The following NTPCR variants were observed in gnomAD, a reference collection of about 807,000 sequenced individuals.
NTPCR encodes nucleoside-triphosphatase, cancer-related.
A neutral mutation model predicts 19.5 loss-of-function variants in NTPCR; 15 were observed. That is an observed-to-expected ratio of 0.77 (90% CI 0.51 to 1.18). The LOEUF (loss-of-function observed/expected upper bound fraction) is 1.18. NTPCR is among the 50% of genes most tolerant of loss of function. The pLI, the probability that NTPCR is intolerant of heterozygous loss-of-function variation, is 0.00. For missense variants in NTPCR, 206 were observed against 240.4 expected, an observed-to-expected ratio of 0.86 and a Z score of 0.95; for synonymous variants, 90 against 95.8, an observed-to-expected ratio of 0.94 and a Z score of 0.36.
In NTPCR at chr1:232,969,727, C is replaced by G. The variant is rs923004866; in HGVS notation, c.295-182C>G. ...ATGATTCCCAGCTCCTGGGACTCAC[C>G]CTTGTGCAGTCCCCTCCCACACAGT... is the stretch of plus-strand genomic sequence containing the variant. On this transcript the variant is annotated intron_variant, in intron 3 of 4. Transcript: ENST00000366628. 1.1e-5 allele frequency: 6 copies of G among 552,398 alleles called. No individual in the cohort carries two copies. The East Asian group carries it at 1.6e-4, about 14-fold the overall frequency. The allele number at this position is 552,398 out of a possible 1,614,324, so 34.2% of individuals were successfully genotyped here.
rs192371792 is a variant in NTPCR at position 232,969,803 on chromosome 1, G to C, written c.295-106G>C. 79 of 918,990 alleles carry C rather than the reference G, an allele frequency of 8.6e-5. No individual in the cohort carries two copies. The Admixed American group carries it at 1.4e-3, about 17-fold the overall frequency. The allele number at this position is 918,990 out of a possible 1,614,324, so 56.9% of individuals were successfully genotyped here. ...TCACTTTTTGAAATCCAGTAAAAAG[G>C]TTTCTGTCTTTTTTACCTCATTGGT... On this transcript the variant is annotated intron_variant, in intron 3 of 4. Coordinates refer to ENST00000366628, the MANE Select transcript of NTPCR (RefSeq NM_032324.3).
At chr1:232,953,140 A>C (rs1402525400) in intron 1 of NTPCR, among the ~76,000 whole-genome samples, 1 of 152,152 alleles carries the variant, frequency 6.6e-6, no homozygotes, top group South Asian at 2.1e-4. Flanking sequence ...AGTGCACCTC[A>C]TGCTGGTGTC....
At chr1:232,964,934 A>G (rs1668771967) in intron 3 of NTPCR, 1 of 152,198 alleles carries the variant, frequency 6.6e-6, no homozygotes, top group African/African-American at 2.4e-5. Context: ...GAAGGTGGAC[A>G]TATCAGGATA....
chr1:232,975,537 C>G lies in NTPCR; in HGVS notation c.505-2626C>G, dbSNP rs985272186. On this transcript the variant is annotated intron_variant, in intron 4 of 4. Transcript: ENST00000366628. Reference sequence around the variant, plus strand: ...CAAGAAAGCAAAACAAAACCACATGCATTTCCTTGAAACTGTGGGAAGGGC... The same window carrying G: ...CAAGAAAGCAAAACAAAACCACATGGATTTCCTTGAAACTGTGGGAAGGGC... 4.6e-5 allele frequency among the ~76,000 whole-genome samples: 7 copies of G among 152,284 alleles called. No individual in the cohort carries two copies. In the South Asian group the frequency reaches 1.5e-3, roughly 32 times the overall value.
chr1:232,974,679 T>C (rs1308704951), intron 4 of NTPCR, among the ~76,000 whole-genome samples: 1 of 152,208 alleles, frequency 6.6e-6, no homozygotes, highest in Non-Finnish European at 1.5e-5. Flanking sequence ...TTGGTAAATA[T>C]TGAGCACGCA....
intron 1 of NTPCR, among the ~76,000 whole-genome samples, chr1:232,952,542 T>A (rs1451058379): frequency 6.6e-6 from 1 of 151,652 alleles, no homozygotes; most frequent in Non-Finnish European, 1.5e-5. Flanking sequence ...ACAGGGCCTC[T>A]CTCTGTTGCC....
chr1:232,952,018 G>A (rs1202656663), intron 1 of NTPCR, among the ~76,000 whole-genome samples: 2 of 152,114 alleles, frequency 1.3e-5, no homozygotes, highest in Non-Finnish European at 2.9e-5. Context: ...TTACCTACAC[G>A]TAGTTGAAAG....
rs976574003 is a variant in NTPCR, at chr1:232,981,568, A to G, written c.*3337A>G. On this transcript the variant is annotated 3_prime_UTR_variant, in exon 5 of 5. Transcript: ENST00000366628. ...GAAGTTGAAGCATCGCATGATTTTA[A>G]CAAATTACTTGCCAGATGATTTCAA... 5.1e-4 allele frequency: 78 copies of G among 152,354 alleles called. No individual in the cohort carries two copies. The highest frequency in any genetic ancestry group is 1.8e-3 in the African/African-American group (75 of 41,580). 9.4% of individuals were successfully genotyped at this position (152,354 alleles called of 1,614,324 possible). A position where few individuals can be genotyped will look rare whatever the true frequency, so the allele number is the denominator to read the frequency against.
intron 4 of NTPCR, among the ~76,000 whole-genome samples, chr1:232,974,820 CA>C (rs1181330159): frequency 6.6e-6 from 1 of 152,206 alleles, no homozygotes; most frequent in African/African-American, 2.4e-5. Flanking sequence ...GGCATTAATC[CA>C]TTCATGAGGG....
intron 3 of NTPCR, chr1:232,968,677 T>C (rs1668890290): frequency 6.6e-6 from 1 of 152,272 alleles, no homozygotes; most frequent in South Asian, 2.1e-4. Flanking sequence ...GCTTTGGCTT[T>C]TGGAATTTGA....
rs1367702939 is a variant in NTPCR at position 232,950,703 on chromosome 1, C to T, written c.-8C>T. 1.2e-6 allele frequency: 2 copies of T among 1,606,478 alleles called. No individual in the cohort carries two copies. Among genetic ancestry groups the T allele is most frequent in the Non-Finnish European group, 1.7e-6 (2 of 1,175,038 alleles). On this transcript the variant is annotated 5_prime_UTR_variant, in exon 1 of 5. Transcript: ENST00000366628. ...CCCTGACCGCAACCCCTACCCCCGCCCACCAGTATGGCCCGGCACGTGTTC... is the reference window on the plus strand; with the variant it reads ...CCCTGACCGCAACCCCTACCCCCGCTCACCAGTATGGCCCGGCACGTGTTC...
At position 232,961,213 on chromosome 1, in the gene NTPCR, A is replaced by C. The variant is rs144866191; in HGVS notation, c.294+4770A>C. Among the ~76,000 whole-genome samples, 788 of 152,328 alleles carry C rather than the reference A, an allele frequency of 5.2e-3. 5 individuals carry two copies. Among genetic ancestry groups the C allele is most frequent in the African/African-American group, 0.018 (761 of 41,570 alleles). ...ATTCAGGTTCCGTATCACCATTGTA[A>C]GTAACCTTGCAACAAAGCACCCTTT... On this transcript the variant is annotated intron_variant, in intron 3 of 4. Coordinates refer to ENST00000366628, the MANE Select transcript of NTPCR (RefSeq NM_032324.3).
At chr1:232,957,646 T>G (rs570451917) in intron 3 of NTPCR, among the ~76,000 whole-genome samples, 2 of 152,376 alleles carry the variant, frequency 1.3e-5, no homozygotes, top group Admixed American at 1.3e-4. Context: ...ATTGATTATG[T>G]AGTTTTATGT....
rs550028737 is a variant in NTPCR at position 232,975,014 on chromosome 1, CA to C, written c.505-3148del. Among the ~76,000 whole-genome samples, 641 of 152,290 alleles carry C rather than the reference CA, an allele frequency of 4.2e-3. 1 individual carries two copies. Among genetic ancestry groups the C allele is most frequent in the African/African-American group, 0.015 (623 of 41,574 alleles). ...CATTGTATCCCATTGAGTTTTATCC[CA>C]TTGTATCCCAATGAGTGTGTCATTG... On this transcript the variant is annotated intron_variant, in intron 4 of 4. Coordinates refer to ENST00000366628, the MANE Select transcript of NTPCR (RefSeq NM_032324.3).
At chr1:232,952,703 CTT>C in intron 1 of NTPCR, among the ~76,000 whole-genome samples, 1 of 151,334 alleles carries the variant, frequency 6.6e-6, no homozygotes, top group Non-Finnish European at 1.5e-5. Context: ...TTACACATAA[CTT>C]TTTTCCCCAT....
rs1007799029 is a variant in NTPCR at position 232,950,875 on chromosome 1, G to C, written c.34+131G>C. On this transcript the variant is annotated intron_variant, in intron 1 of 4. Coordinates refer to ENST00000366628, the MANE Select transcript of NTPCR (RefSeq NM_032324.3). Reference sequence around the variant, plus strand: ...GCCTCTGAAGTTCCCAATTTAAATGGCGGGCTTGGTAGTCTGAAGAGTTTG... The same window carrying C: ...GCCTCTGAAGTTCCCAATTTAAATGCCGGGCTTGGTAGTCTGAAGAGTTTG... 1.1e-4 allele frequency: 69 copies of C among 616,184 alleles called. 1 individual carries two copies. In the South Asian group the frequency reaches 1.3e-3, roughly 12 times the overall value. 38.2% of individuals were successfully genotyped at this position (616,184 alleles called of 1,614,324 possible).
At chr1:232,958,522 G>T (rs1432853444) in intron 3 of NTPCR, among the ~76,000 whole-genome samples, 1 of 152,158 alleles carries the variant, frequency 6.6e-6, no homozygotes, top group African/African-American at 2.4e-5. Context: ...AATCTCAGAG[G>T]GCTGGTGGTA....
At chr1:232,976,435 C>T (rs1250304735) in intron 4 of NTPCR, 7 of 1,550,618 alleles carry the variant, frequency 4.5e-6, no homozygotes, top group African/African-American at 1.4e-5. Context: ...GAAGCTACTG[C>T]AATCACTGCT....
At chr1:232,975,227 T>G (rs1669093876) in intron 4 of NTPCR, among the ~76,000 whole-genome samples, 1 of 152,228 alleles carries the variant, frequency 6.6e-6, no homozygotes, top group Non-Finnish European at 1.5e-5. Context: ...GCTACCTCAC[T>G]GCCTTCTAAC....
Sources: allele counts gnomAD v4.1 joint callset (sites outside exome capture counted in the v4.1 genomes callset), GRCh38; gene constraint gnomAD v4.1.1; transcripts MANE v1.5; gene names NCBI Gene and HGNC (gene_info 2026-07-23, HGNC 2026-07-21).